The following HPS3 variants were observed in gnomAD, a reference collection of about 807,000 sequenced individuals.
HPS3 encodes the protein BLOC-2 complex member HPS3.
A neutral mutation model predicts 110.9 loss-of-function variants in HPS3; 79 were observed. The observed-to-expected ratio is 0.71, with a 90% CI of 0.59 to 0.86. The LOEUF (loss-of-function observed/expected upper bound fraction) is 0.86. Among genes scored for constraint, HPS3 ranks in the 40% least tolerant of loss-of-function variants. The probability of loss-of-function intolerance (pLI) is 0.00; values close to 1 mark genes in which losing one functional copy is unlikely to be tolerated. For synonymous variants in HPS3, 428 were observed against 451.0 expected, an observed-to-expected ratio of 0.95 and a Z score of 0.65; for missense variants, 1,197 against 1,206.2, an observed-to-expected ratio of 0.99 and a Z score of 0.11.
In HPS3 at chr3:149,129,865, G is replaced by A; in HGVS notation, c.142G>A (p.Gly48Ser). 5 of 1,598,266 alleles carry A rather than the reference G, an allele frequency of 3.1e-6. No individual in the cohort carries two copies. Among genetic ancestry groups the A allele is most frequent in the Non-Finnish European group, 4.2e-6 (5 of 1,177,090 alleles). The stretch of plus-strand genomic sequence containing the variant: ...CAAGGTGGAGGCGTTCGCGGTGGCC[G>A]GCCAGGAGCTGTGCCAGCCGCGGTG... ...GCKVEAFAVA[G>S]QELCQPRCAF... The change falls in exon 1 of 17, where the codon GGC (glycine) becomes AGC (serine). Residue 48 changes from glycine to serine, a missense_variant. Coordinates refer to ENST00000296051, the MANE Select transcript of HPS3 (RefSeq NM_032383.5).
chr3:149,130,321 G>A (rs1028508244), intron 1 of HPS3: 1 of 245,898 alleles, frequency 4.1e-6, no homozygotes, highest in Non-Finnish European at 7.9e-6. Context: ...GACTAGTACT[G>A]TATCCCGGAA....
At position 149,162,803 on chromosome 3, in the gene HPS3, C is replaced by T. The variant is rs772972280; in HGVS notation, c.2406C>T (p.Leu802=). The T allele has an allele frequency of 6.2e-7, 1 of 1,614,046 alleles. No homozygotes were observed. Among genetic ancestry groups the T allele is most frequent in the Non-Finnish European group, 8.5e-7 (1 of 1,179,968 alleles). The part of the protein sequence containing the change: ...DVVLQELFFK[L]TSQYIWRLSK... Reference sequence around the variant, plus strand: ...TACTTCAGGAACTCTTTTTCAAACTCACATCACAGTACATCTGGAGATTGT... The same window carrying T: ...TACTTCAGGAACTCTTTTTCAAACTTACATCACAGTACATCTGGAGATTGT... Residue 802 remains leucine (L), a synonymous_variant, in exon 13 of 17, where the codon CTC becomes CTT. Coordinates refer to ENST00000296051, the MANE Select transcript of HPS3 (RefSeq NM_032383.5).
chr3:149,141,694 C>T (rs985416668), intron 4 of HPS3, among the ~76,000 whole-genome samples: 1 of 150,926 alleles, frequency 6.6e-6, no homozygotes, highest in South Asian at 2.1e-4. Context: ...CCACCAAGCC[C>T]GGCTAAATTT....
Position 149,145,337 on chromosome 3 carries a change from T to G in HPS3, c.971-17T>G. On this transcript the variant is annotated splice_polypyrimidine_tract_variant and intron_variant, in intron 4 of 16. Coordinates refer to ENST00000296051, the MANE Select transcript of HPS3 (RefSeq NM_032383.5). ...ACTGGTTTCATGGTGTTTTATTTCT[T>G]TCATTTTTGCATGCAGGTTCTCTTA... The G allele has an allele frequency of 6.3e-7, 1 of 1,586,220 alleles. No individual in the cohort carries two copies. Among genetic ancestry groups the G allele is most frequent in the Non-Finnish European group, 8.7e-7 (1 of 1,155,688 alleles).
At chr3:149,162,094 G>T in intron 11 of HPS3, 54 bp from the exon 12 acceptor site, 1 of 1,401,534 alleles carries the variant, frequency 7.1e-7, no homozygotes, top group Non-Finnish European at 1.0e-6. Context: ...TTTCTAAAAT[G>T]GACAATCTAA....
intron 10 of HPS3, among the ~76,000 whole-genome samples, chr3:149,159,562 TAGAG>T (rs898570601): frequency 7.9e-5 from 12 of 152,194 alleles, no homozygotes; most frequent in South Asian, 4.1e-4. Flanking sequence ...AACCCTGTCT[TAGAG>T]AGAAAAAAGA....
At chr3:149,144,106 G>A (rs1722642248) in intron 4 of HPS3, among the ~76,000 whole-genome samples, 1 of 152,218 alleles carries the variant, frequency 6.6e-6, no homozygotes, top group Middle Eastern at 3.4e-3. Context: ...GCCGGGTGCG[G>A]TGGTTCACGC....
rs776056267 is a variant in HPS3 at position 149,145,549 on chromosome 3, A to G, written c.1163+3A>G. The G allele has an allele frequency of 9.3e-6, 15 of 1,612,444 alleles. 1 individual carries two copies. The South Asian group carries it at 1.3e-4, about 14-fold the overall frequency. On this transcript the variant is annotated splice_donor_region_variant and intron_variant, in intron 5 of 16. Coordinates refer to ENST00000296051, the MANE Select transcript of HPS3 (RefSeq NM_032383.5). Reference sequence around the variant, plus strand: ...CAATTTTTGCACGTCATTACAAGGTACTGTTAGAGGGTCACTTGCTGGCCT... The same window carrying G: ...CAATTTTTGCACGTCATTACAAGGTGCTGTTAGAGGGTCACTTGCTGGCCT...
intron 8 of HPS3, among the ~76,000 whole-genome samples, chr3:149,155,673 A>G (rs576836154): frequency 6.6e-6 from 1 of 152,292 alleles, no homozygotes; most frequent in East Asian, 1.9e-4. Flanking sequence ...GAGCATCCTT[A>G]CTGATCTAAG....
intron 14 of HPS3, among the ~76,000 whole-genome samples, chr3:149,165,140 CT>C (rs1449609026): frequency 6.6e-6 from 1 of 152,138 alleles, no homozygotes; most frequent in South Asian, 2.1e-4. Flanking sequence ...TTCTGAGGGG[CT>C]AGCCTCAGAT....
At chr3:149,151,433 G>A (rs11711932) in intron 6 of HPS3, among the ~76,000 whole-genome samples, 39,824 of 151,324 alleles carry the variant, frequency 0.26, 5,736 homozygotes, top group African/African-American at 0.39. Flanking sequence ...AATTGAATAC[G>A]ATGCATTAAA....
Position 149,140,244 on chromosome 3 carries a change from C to T in HPS3, c.458C>T (p.Thr153Ile), listed in dbSNP as rs1427730138. 6.2e-7 allele frequency: 1 copy of T among 1,614,090 alleles called. No individual in the cohort carries two copies. Among genetic ancestry groups the T allele is most frequent in the Non-Finnish European group, 8.5e-7 (1 of 1,180,018 alleles). The change falls in exon 2 of 17, where the codon ACA (threonine) becomes ATA (isoleucine). Residue 153 changes from threonine to isoleucine, a missense_variant. Coordinates refer to ENST00000296051, the MANE Select transcript of HPS3 (RefSeq NM_032383.5). ...PVKGDLLVGC[T>I]NKLVLFSLKY... is the part of the protein sequence containing the mutation. ...AAAGGAGACCTTCTCGTTGGCTGCA[C>T]AAATAAATTAGTCTTATTTAGTTTG...
In HPS3 at chr3:149,140,211, G is replaced by T. The variant is rs758281135; in HGVS notation, c.425G>T (p.Cys142Phe). ...GAGGCCCCCTTGTGCATTTCCTGTT[G>T]CCCTGTGAAAGGAGACCTTCTCGTT... ...LSEAPLCISC[C>F]PVKGDLLVGC... Residue 142 changes from cysteine (C) to phenylalanine (F), a missense_variant, in exon 2 of 17, where the codon TGC becomes TTC. Coordinates refer to ENST00000296051, the MANE Select transcript of HPS3 (RefSeq NM_032383.5). 9 of 1,613,974 alleles carry T rather than the reference G, an allele frequency of 5.6e-6. No homozygotes were observed. In the African/African-American group the frequency reaches 1.2e-4, roughly 22 times the overall value.
intron 16 of HPS3, 28 bp from the exon 17 acceptor site, chr3:149,172,067 T>G: frequency 6.2e-7 from 1 of 1,608,874 alleles, no homozygotes; most frequent in Non-Finnish European, 8.5e-7. Context: ...GACTTTCAAT[T>G]CTAATTCAGA....
intron 1 of HPS3, among the ~76,000 whole-genome samples, chr3:149,132,943 G>A (rs1048978658): frequency 6.6e-6 from 1 of 152,208 alleles, no homozygotes. Flanking sequence ...TAGCAAGAAA[G>A]CTAGAATTGG....
At position 149,140,274 on chromosome 3, in the gene HPS3, A is replaced by T; in HGVS notation, c.488A>T (p.Tyr163Phe). The T allele has an allele frequency of 6.2e-7, 1 of 1,614,110 alleles. No homozygotes were observed. The highest frequency in any genetic ancestry group is 8.5e-7 in the Non-Finnish European group (1 of 1,179,940). The change falls in exon 2 of 17, where the codon TAC becomes TTC. Residue 163 changes from tyrosine (Y) to phenylalanine (F), a missense_variant. Physicochemically the swap from Tyr to Phe is conservative, Grantham distance 22. Transcript: ENST00000296051. Reference protein sequence around the residue: ...TNKLVLFSLKYQIINEEFSLL... With the variant: ...TNKLVLFSLKFQIINEEFSLL... ...AAATTAGTCTTATTTAGTTTGAAGTACCAGATCATTAATGAGGAATTCTCA... is the reference window on the plus strand; with the variant it reads ...AAATTAGTCTTATTTAGTTTGAAGTTCCAGATCATTAATGAGGAATTCTCA...
At chr3:149,158,436 A>G (rs564309645) in intron 9 of HPS3, among the ~76,000 whole-genome samples, 125 of 152,302 alleles carry the variant, frequency 8.2e-4, no homozygotes, top group Middle Eastern at 3.4e-3. Flanking sequence ...TGGAATTTCT[A>G]TCTTCTGGAA....
At chr3:149,162,405 A>T in intron 12 of HPS3, 72 bp downstream of exon 12, 1 of 1,365,748 alleles carries the variant, frequency 7.3e-7, no homozygotes, top group Non-Finnish European at 1.0e-6. Context: ...ACAGAATAAG[A>T]GAAGTGAGTT....
chr3:149,137,393 C>T (rs1332841271), intron 1 of HPS3, among the ~76,000 whole-genome samples: 1 of 152,028 alleles, frequency 6.6e-6, no homozygotes, highest in East Asian at 1.9e-4. Context: ...AATAACACAG[C>T]CTATGTGGAA....
Sources: gnomAD v4.1 joint callset for allele counts (sites outside exome capture counted in the v4.1 genomes callset) on GRCh38, gnomAD v4.1.1 for gene constraint, MANE v1.5 for transcripts, NCBI Gene and HGNC (gene_info 2026-07-23, HGNC 2026-07-21) for gene names.